Variants in KIAA0408 observed in about 807,000 individuals in gnomAD.
KIAA0408 encodes uncharacterized protein KIAA0408.
KIAA0408 carries 51 observed loss-of-function variants against 60.9 expected under a neutral mutation model. The observed-to-expected ratio is 0.84, with a 90% CI of 0.67 to 1.06. The LOEUF (loss-of-function observed/expected upper bound fraction) is 1.06, where lower values mean the gene tolerates loss of function less well. Ranked by LOEUF, KIAA0408 falls within the 50% of genes least tolerant of loss-of-function variation. The probability of loss-of-function intolerance (pLI) is 0.00; values close to 1 mark genes in which losing one functional copy is unlikely to be tolerated. For synonymous variants in KIAA0408, 304 were observed against 282.4 expected (o/e 1.08, Z -0.77); for missense variants, 787 against 833.9 (o/e 0.94, Z 0.69).
rs1445905410 is a variant in KIAA0408 at position 127,440,283 on chromosome 6, C to T, written c.*3826G>A. On this transcript the variant is annotated 3_prime_UTR_variant, in exon 6 of 6. Coordinates refer to ENST00000483725, the MANE Select transcript of KIAA0408 (RefSeq NM_014702.5). ...TGCAAAGCACATTTTCTTGTAGGAA[C>T]ATATTTTCAGGGTGAGATGAACAAG... 6.7e-6 allele frequency: 1 copy of T among 150,184 alleles called. No homozygotes were observed. The highest frequency in any genetic ancestry group is 1.5e-5 in the Non-Finnish European group (1 of 67,610). The allele number at this position is 150,184 out of a possible 1,614,324, so 9.3% of individuals were successfully genotyped here.
intron 1 of KIAA0408, among the ~76,000 whole-genome samples, chr6:127,455,889 TA>T (rs1773383492): frequency 6.6e-6 from 1 of 152,104 alleles, no homozygotes; most frequent in Admixed American, 6.6e-5. Context: ...GAAGAACAAA[TA>T]AAATAAAGAT....
Position 127,444,185 on chromosome 6 carries a change from G to A in KIAA0408, c.2009C>T (p.Pro670Leu), listed in dbSNP as rs770209656. 2 of 1,613,764 alleles carry A rather than the reference G, an allele frequency of 1.2e-6. No individual in the cohort carries two copies. Among genetic ancestry groups the A allele is most frequent in the Non-Finnish European group, 1.7e-6 (2 of 1,179,838 alleles). The change falls in exon 6 of 6, where the codon CCA becomes CTA. Residue 670 changes from proline to leucine, a missense_variant. Transcript: ENST00000483725. ...RLPSRWASRS[P>L]SAPPALRRTT... ...TCTCCGCAAGGCAGGGGGTGCAGAT[G>A]GAGATCTGGATGCCCATCTGGAGGG...
Position 127,443,512 on chromosome 6 carries a change from T to C in KIAA0408, c.*597A>G, listed in dbSNP as rs1175202122. On this transcript the variant is annotated 3_prime_UTR_variant, in exon 6 of 6. Coordinates refer to ENST00000483725, the MANE Select transcript of KIAA0408 (RefSeq NM_014702.5). The stretch of plus-strand genomic sequence containing the variant: ...TCCTTATATGGGTTAAGAAATTATT[T>C]ATGAGTTGTCTTTAGAAATCTACCA... 6.6e-6 allele frequency: 1 copy of C among 152,228 alleles called. No homozygotes were observed. The highest frequency in any genetic ancestry group is 1.5e-5 in the Non-Finnish European group (1 of 68,028). The allele number at this position is 152,228 out of a possible 1,614,324, so 9.4% of individuals were successfully genotyped here.
Position 127,447,461 on chromosome 6 carries a change from A to G in KIAA0408, c.858T>C (p.Tyr286=). ...NFPSSDSEQA[Y]ERWKERLDHN... is the part of the protein sequence containing the mutation. ...GGTCTAACCTTTCCTTCCATCTTTC[A>G]TAGGCTTGTTCAGAATCCGAGCTGG... The change falls in exon 5 of 6, where the codon TAT becomes TAC. Residue 286 remains tyrosine, a synonymous_variant. Coordinates refer to ENST00000483725, the MANE Select transcript of KIAA0408 (RefSeq NM_014702.5). The G allele has an allele frequency of 6.2e-7, 1 of 1,613,910 alleles. No homozygotes were observed. Among genetic ancestry groups the G allele is most frequent in the Non-Finnish European group, 8.5e-7 (1 of 1,179,928 alleles).
At chr6:127,449,111 T>C (rs988369442) in intron 4 of KIAA0408, among the ~76,000 whole-genome samples, 8 of 152,192 alleles carry the variant, frequency 5.3e-5, no homozygotes, top group Non-Finnish European at 7.3e-5. Flanking sequence ...AACATGATTA[T>C]ATAAGCAAAA....
chr6:127,448,987 G>A (rs191439537), intron 4 of KIAA0408, among the ~76,000 whole-genome samples: 20 of 152,158 alleles, frequency 1.3e-4, no homozygotes, highest in East Asian at 1.9e-4. Flanking sequence ...TTTGTGGCAC[G>A]CGTACATGTG....
rs1388193639 is a variant in KIAA0408 at position 127,447,037 on chromosome 6, C to T, written c.1282G>A (p.Gly428Ser). ...SSSPLRNFSC[G>S]FERTTRNEKL... Reference sequence around the variant, plus strand: ...TCATTCCTTGTAGTCCTTTCAAAGCCACAACTGAAATTTCTAAGTGGGCTA... The same window carrying T: ...TCATTCCTTGTAGTCCTTTCAAAGCTACAACTGAAATTTCTAAGTGGGCTA... The change falls in exon 5 of 6, where the codon GGC (glycine) becomes AGC (serine). Residue 428 changes from glycine (G) to serine (S), a missense_variant. Transcript: ENST00000483725. 1 of 1,613,110 alleles carries T rather than the reference C, an allele frequency of 6.2e-7. No homozygotes were observed. The highest frequency in any genetic ancestry group is 8.5e-7 in the Non-Finnish European group (1 of 1,179,738).
rs768936148 is a variant in KIAA0408 at position 127,447,305 on chromosome 6, G to A, written c.1014C>T (p.Ser338=). Reference sequence around the variant, plus strand: ...CTATTTTGACTTCTGGTACCAAAGAGGAAAAGATGATACCATCTTTCGAAG... The same window carrying A: ...CTATTTTGACTTCTGGTACCAAAGAAGAAAAGATGATACCATCTTTCGAAG... ...GKTSKDGIIF[S]SLVPEVKIDS... The change falls in exon 5 of 6, where the codon TCC becomes TCT. Residue 338 remains serine (S), a synonymous_variant. Coordinates refer to ENST00000483725, the MANE Select transcript of KIAA0408 (RefSeq NM_014702.5). The A allele has an allele frequency of 1.5e-5, 25 of 1,613,842 alleles. No homozygotes were observed. The highest frequency in any genetic ancestry group is 1.9e-5 in the Non-Finnish European group (23 of 1,179,968).
Position 127,439,345 on chromosome 6 carries a change from ACT to A in KIAA0408, c.*4762_*4763del, listed in dbSNP as rs1188666268. On this transcript the variant is annotated 3_prime_UTR_variant, in exon 6 of 6. Transcript: ENST00000483725. ...GATTCAGTTGACGCTAGAGATGAAT[ACT>A]GATTGGCTATTTATTGGTTTTACTT... 6.6e-6 allele frequency: 1 copy of A among 152,212 alleles called. No homozygotes were observed. Among genetic ancestry groups the A allele is most frequent in the Non-Finnish European group, 1.5e-5 (1 of 68,042 alleles). The allele number at this position is 152,212 out of a possible 1,614,324, so 9.4% of individuals were successfully genotyped here.
At position 127,453,937 on chromosome 6, in the gene KIAA0408, A is replaced by G. The variant is rs752828723; in HGVS notation, c.45T>C (p.His15=). Residue 15 remains histidine, a synonymous_variant, in exon 2 of 6, where the codon CAT becomes CAC. Transcript: ENST00000483725. ...GGTCCAGTAATTCCATCTTTTCCTTATGCCAGTTAGTCTCTGTGTTCTCCC... is the reference window on the plus strand; with the variant it reads ...GGTCCAGTAATTCCATCTTTTCCTTGTGCCAGTTAGTCTCTGTGTTCTCCC... The part of the protein sequence containing the change: ...KQWENTETNW[H]KEKMELLDQF... 1 of 1,612,822 alleles carries G rather than the reference A, an allele frequency of 6.2e-7. No individual in the cohort carries two copies. The highest frequency in any genetic ancestry group is 1.1e-5 in the South Asian group (1 of 90,990).
rs1176927500 is a variant in KIAA0408, at chr6:127,441,075, T to G, written c.*3034A>C. On this transcript the variant is annotated 3_prime_UTR_variant, in exon 6 of 6. Transcript: ENST00000483725. ...TTTTACACCTACTTTATTTGATAGC[T>G]TCTAATGGCTGAAGGAGATTTCAAT... The G allele has an allele frequency of 6.6e-6, 1 of 152,212 alleles. No individual in the cohort carries two copies. The highest frequency in any genetic ancestry group is 6.5e-5 in the Admixed American group (1 of 15,286). The allele number at this position is 152,212 out of a possible 1,614,324, so 9.4% of individuals were successfully genotyped here. A position where few individuals can be genotyped will look rare whatever the true frequency, so the allele number is the denominator to read the frequency against.
chr6:127,452,980 C>T (rs1583070958), intron 2 of KIAA0408, among the ~76,000 whole-genome samples: 1 of 152,178 alleles, frequency 6.6e-6, no homozygotes, highest in Non-Finnish European at 1.5e-5. Context: ...ATTTTATTCA[C>T]AGTCAATTAC....
chr6:127,444,381 T>A, intron 5 of KIAA0408, 99 bp from the exon 6 acceptor site: 1 of 945,296 alleles, frequency 1.1e-6, no homozygotes, highest in Non-Finnish European at 1.5e-6. Context: ...GTTAGTAAAT[T>A]TACAAGAAAG....
intron 5 of KIAA0408, among the ~76,000 whole-genome samples, chr6:127,446,137 T>G (rs566147828): frequency 6.6e-6 from 1 of 152,320 alleles, no homozygotes; most frequent in African/African-American, 2.4e-5. Context: ...GAGCAAACAT[T>G]TGATCTTCTT....
In KIAA0408 at chr6:127,450,132, C is replaced by T. The variant is rs1425078320; in HGVS notation, c.356G>A (p.Cys119Tyr). 1 of 1,613,946 alleles carries T rather than the reference C, an allele frequency of 6.2e-7. No individual in the cohort carries two copies. Among genetic ancestry groups the T allele is most frequent in the East Asian group, 2.2e-5 (1 of 44,888 alleles). The change falls in exon 3 of 6, where the codon TGT becomes TAT. Residue 119 changes from cysteine (C) to tyrosine (Y), a missense_variant. Cys to Tyr is a radical substitution (Grantham distance 194). This residue lies in a region of KIAA0408 where 640 missense variants were observed against 681.3 expected (regional missense o/e 0.94). Transcript: ENST00000483725. Reference sequence around the variant, plus strand: ...TTTTTTTGTTGCTTTTTGTTCCTTACACATTTGATTTCCTCCACTGACTAA... The same window carrying T: ...TTTTTTTGTTGCTTTTTGTTCCTTATACATTTGATTTCCTCCACTGACTAA... ...QSLVSGGNQM[C>Y]KEQKATKKSK...
chr6:127,453,726 G>T, intron 2 of KIAA0408, 121 bp downstream of exon 2: 1 of 1,304,300 alleles, frequency 7.7e-7, no homozygotes, highest in Non-Finnish European at 1.0e-6. Context: ...AAATGTCACT[G>T]AGAAATGTAC....
At position 127,450,299 on chromosome 6, in the gene KIAA0408, C is replaced by CTA. The variant is rs1773279936; in HGVS notation, c.188_189insTA (p.Lys63AsnfsTer16). 1 of 1,612,464 alleles carries CTA rather than the reference C, an allele frequency of 6.2e-7. No homozygotes were observed. The highest frequency in any genetic ancestry group is 2.2e-5 in the East Asian group (1 of 44,850). ...TCTTCTCATGGTAAAGATCAATGAT[C>CTA]TTAGCACTTTCATTGATATTGATTT... On this transcript the variant is annotated frameshift_variant, in exon 3 of 6. Transcript: ENST00000483725. LOFTEE classifies it high-confidence loss of function.
chr6:127,454,239 T>A, intron 1 of KIAA0408, 138 bp from the exon 2 acceptor site: 1 of 833,930 alleles, frequency 1.2e-6, no homozygotes, highest in Non-Finnish European at 1.5e-6. Context: ...ACAGTCTACT[T>A]AAGAAGAAGA....
At position 127,438,754 on chromosome 6, in the gene KIAA0408, TATC is replaced by T. The variant is rs2114778765; in HGVS notation, c.*5352_*5354del. 6.6e-6 allele frequency: 1 copy of T among 152,352 alleles called. No homozygotes were observed. Among genetic ancestry groups the T allele is most frequent in the South Asian group, 2.1e-4 (1 of 4,826 alleles). 9.4% of individuals were successfully genotyped at this position (152,352 alleles called of 1,614,324 possible). ...TAGCAAAAATATTGTATTATAATCT[TATC>T]ATCATATATGTGCATTGAACTGGTT... On this transcript the variant is annotated 3_prime_UTR_variant, in exon 6 of 6. Coordinates refer to ENST00000483725, the MANE Select transcript of KIAA0408 (RefSeq NM_014702.5).
Sources: allele counts gnomAD v4.1 joint callset (sites outside exome capture counted in the v4.1 genomes callset), GRCh38; gene constraint gnomAD v4.1.1; regional missense constraint gnomAD v4.1.1; transcripts MANE v1.5; gene names NCBI Gene and HGNC (gene_info 2026-07-23, HGNC 2026-07-21).